The following PRICKLE2 variants were observed in gnomAD, a reference collection of about 807,000 sequenced individuals.
The protein encoded by PRICKLE2 is prickle-like protein 2.
Under a neutral mutation model 81.4 loss-of-function variants are expected in PRICKLE2, and 21 were observed. That is an observed-to-expected ratio of 0.26 (90% confidence interval 0.18 to 0.37). The LOEUF is 0.37. Ranked by LOEUF, PRICKLE2 falls within the 10% of genes least tolerant of loss-of-function variation. PRICKLE2 has a pLI of 1.00. For missense variants in PRICKLE2, 940 were observed against 1,109.0 expected (o/e 0.85, Z 2.16); for synonymous variants, 456 against 421.5 (o/e 1.08, Z -1.00).
At chr3:64,114,463 G>C (rs146498716) in intron 7 of PRICKLE2, among the ~76,000 whole-genome samples, 1 of 152,216 alleles carries the variant, frequency 6.6e-6, no homozygotes, top group Non-Finnish European at 1.5e-5. Context: ...ATGCAAGGAA[G>C]CTAAAAATGA....
rs1004258479 is a variant in PRICKLE2, at chr3:64,093,284, G to A, written c.*5767C>T. The A allele has an allele frequency of 1.3e-5, 2 of 152,360 alleles. No individual in the cohort carries two copies. Among genetic ancestry groups the A allele is most frequent in the African/African-American group, 4.8e-5 (2 of 41,474 alleles). 9.4% of individuals were successfully genotyped at this position (152,360 alleles called of 1,614,324 possible). On this transcript the variant is annotated 3_prime_UTR_variant, in exon 8 of 8. Transcript: ENST00000638394. Reference sequence around the variant, plus strand: ...ACATTCATCCATCAGTGGACATTTGGGTTGCTCCCACTTTTTGGATATTGT... The same window carrying A: ...ACATTCATCCATCAGTGGACATTTGAGTTGCTCCCACTTTTTGGATATTGT...
At chr3:64,197,331 G>T (rs116292697) in intron 2 of PRICKLE2, among the ~76,000 whole-genome samples, 1,529 of 152,220 alleles carry the variant, frequency 0.01, 27 homozygotes, top group African/African-American at 0.035. Flanking sequence ...TTGAGGAATT[G>T]TCACACTGTC....
chr3:64,165,356 C>G (rs892633070), intron 2 of PRICKLE2, among the ~76,000 whole-genome samples: 10 of 152,318 alleles, frequency 6.6e-5, no homozygotes, highest in African/African-American at 2.4e-4. Context: ...TTTCCCATCT[C>G]TGGGTTCCTG....
chr3:64,245,975 T>C (rs778482515), intron 2 of PRICKLE2, among the ~76,000 whole-genome samples: 2 of 152,302 alleles, frequency 1.3e-5, no homozygotes, highest in Non-Finnish European at 2.9e-5. Context: ...CTGGGTGTGG[T>C]GGCTCACACT....
intron 2 of PRICKLE2, among the ~76,000 whole-genome samples, chr3:64,174,240 C>T (rs894297121): frequency 6.6e-6 from 1 of 152,306 alleles, no homozygotes; most frequent in South Asian, 2.1e-4. Flanking sequence ...TGTTTGAGTC[C>T]TAACCATGAC....
intron 2 of PRICKLE2, among the ~76,000 whole-genome samples, chr3:64,177,705 G>A (rs1036687147): frequency 3.9e-5 from 6 of 152,150 alleles, no homozygotes; most frequent in African/African-American, 1.4e-4. Context: ...CACCTAATAT[G>A]TTTCCAAGGC....
chr3:64,257,172 C>T (rs1559607391), intron 2 of PRICKLE2, among the ~76,000 whole-genome samples: 1 of 152,202 alleles, frequency 6.6e-6, no homozygotes, highest in Non-Finnish European at 1.5e-5. Context: ...GAGTTTCAGC[C>T]TTCCCCTATA....
intron 2 of PRICKLE2, among the ~76,000 whole-genome samples, chr3:64,197,756 T>C (rs886983606): frequency 6.6e-6 from 1 of 151,988 alleles, no homozygotes; most frequent in Non-Finnish European, 1.5e-5. Flanking sequence ...GGTACTAGGC[T>C]TAATATCTGG....
At chr3:64,239,952 CAAAAA>C (rs57932723) in intron 2 of PRICKLE2, among the ~76,000 whole-genome samples, 2 of 32,238 alleles carry the variant, frequency 6.2e-5, no homozygotes, top group African/African-American at 1.2e-4. Context: ...CCATCGCTAC[CAAAAA>C]AAAAAAAAAA....
At chr3:64,102,799 CAATAGAT>C (rs1475525123) in intron 7 of PRICKLE2, 4 of 151,842 alleles carry the variant, frequency 2.6e-5, no homozygotes, top group Admixed American at 6.6e-5. Context: ...GGAACATGGG[CAATAGAT>C]AAAAGTATTA....
At chr3:64,124,600 G>C (rs1263960585) in intron 7 of PRICKLE2, among the ~76,000 whole-genome samples, 1 of 146,964 alleles carries the variant, frequency 6.8e-6, no homozygotes, top group African/African-American at 2.4e-5. Flanking sequence ...TCATTGACCA[G>C]TTCAAAAATC....
intron 7 of PRICKLE2, among the ~76,000 whole-genome samples, chr3:64,143,125 A>C (rs567135630): frequency 1.3e-5 from 2 of 152,328 alleles, no homozygotes; most frequent in East Asian, 3.9e-4. Context: ...TAGCAGGGTC[A>C]CCTCTAGCCA....
intron 1 of PRICKLE2, among the ~76,000 whole-genome samples, chr3:64,206,057 GAAAT>G (rs896583779): frequency 2.0e-5 from 3 of 152,194 alleles, no homozygotes; most frequent in African/African-American, 7.2e-5. Flanking sequence ...CGGCTTTTAA[GAAAT>G]AAATAATTCC....
rs2076574438 is a variant in PRICKLE2, at chr3:64,096,501, C to T, written c.*2550G>A. ...GCCATCATTGTAAGGAATTGGCCTT[C>T]CTCATTCAGCATTCTCTGTAAGGTT... On this transcript the variant is annotated 3_prime_UTR_variant, in exon 8 of 8. Coordinates refer to ENST00000638394, the MANE Select transcript of PRICKLE2 (RefSeq NM_198859.4). 1.3e-5 allele frequency: 2 copies of T among 152,222 alleles called. No individual in the cohort carries two copies. Among genetic ancestry groups the T allele is most frequent in the Non-Finnish European group, 2.9e-5 (2 of 68,040 alleles). 9.4% of individuals were successfully genotyped at this position (152,222 alleles called of 1,614,324 possible).
chr3:64,207,463 C>T (rs1158945019), intron 1 of PRICKLE2, among the ~76,000 whole-genome samples: 1 of 152,154 alleles, frequency 6.6e-6, no homozygotes, highest in African/African-American at 2.4e-5. Flanking sequence ...CTTCATTCTA[C>T]GTGTTCCTCA....
At chr3:64,176,540 A>G (rs1168233418) in intron 2 of PRICKLE2, among the ~76,000 whole-genome samples, 1 of 152,344 alleles carries the variant, frequency 6.6e-6, no homozygotes, top group African/African-American at 2.4e-5. Context: ...CAAGTGTCCA[A>G]AGTGATTCAT....
In PRICKLE2 at chr3:64,099,141, G is replaced by A. The variant is rs1346052915; in HGVS notation, c.2445C>T (p.Ser815=). The change falls in exon 8 of 8, where the codon TCC becomes TCT. Residue 815 remains serine, a synonymous_variant. Coordinates refer to ENST00000638394, the MANE Select transcript of PRICKLE2 (RefSeq NM_198859.4). The surrounding 1 kb of genome is among the most constrained non-coding windows in gnomAD (Gnocchi z 4.3). ...ATGTGGAAGATTTGGGGAGGCCGTAGGAGCTGTATTTGTGCAGCAGCTCAT... is the reference window on the plus strand; with the variant it reads ...ATGTGGAAGATTTGGGGAGGCCGTAAGAGCTGTATTTGTGCAGCAGCTCAT... ...TSDELLHKYS[S]YGLPKSSTLG... is the part of the protein sequence containing the mutation. 1 of 1,614,220 alleles carries A rather than the reference G, an allele frequency of 6.2e-7. No individual in the cohort carries two copies. The highest frequency in any genetic ancestry group is 8.5e-7 in the Non-Finnish European group (1 of 1,180,038).
intron 2 of PRICKLE2, among the ~76,000 whole-genome samples, chr3:64,235,226 C>A (rs148449507): frequency 2.6e-4 from 40 of 152,192 alleles, no homozygotes; most frequent in Middle Eastern, 3.4e-3. Flanking sequence ...TTTTATAATT[C>A]TTTTCTAACA....
At chr3:64,236,851 T>A (rs1358593298) in intron 2 of PRICKLE2, among the ~76,000 whole-genome samples, 6 of 152,228 alleles carry the variant, frequency 3.9e-5, no homozygotes, top group African/African-American at 1.4e-4. Context: ...CTTTGTATGG[T>A]GTCAAATACA....
Sources: allele counts gnomAD v4.1 joint callset (sites outside exome capture counted in the v4.1 genomes callset), GRCh38; gene constraint gnomAD v4.1.1; non-coding constraint Gnocchi (gnomAD v3.1); transcripts MANE v1.5; gene names NCBI Gene and HGNC (gene_info 2026-07-23, HGNC 2026-07-21).